Variants in PUM3 observed in about 807,000 individuals in gnomAD.
The protein encoded by PUM3 is pumilio homolog 3.
Under a neutral mutation model 84.0 loss-of-function variants are expected in PUM3, and 91 were observed. The observed-to-expected ratio is 1.08, with a 90% CI of 0.91 to 1.29. The LOEUF is 1.29. Among genes scored for constraint, PUM3 ranks in the 50% most tolerant of loss-of-function variants. The probability of loss-of-function intolerance (pLI) is 0.00; values close to 1 mark genes in which losing one functional copy is unlikely to be tolerated. For synonymous variants in PUM3, 321 were observed against 266.7 expected, an observed-to-expected ratio of 1.20 and a Z score of -1.98; for missense variants, 1,067 against 767.5, an observed-to-expected ratio of 1.39 and a Z score of -4.61.
chr9:2,810,056 G>C (rs146460365), intron 16 of PUM3, among the ~76,000 whole-genome samples: 8 of 139,226 alleles, frequency 5.7e-5, no homozygotes, highest in African/African-American at 2.1e-4. Context: ...AGCCAGGTTA[G>C]AAGCCTGCAG....
At position 2,837,498 on chromosome 9, in the gene PUM3, C is replaced by G. The variant is rs903025867; in HGVS notation, c.83-97G>C. 6.7e-6 allele frequency: 5 copies of G among 748,264 alleles called. No homozygotes were observed. The Admixed American group carries it at 8.5e-5, about 13-fold the overall frequency. 46.4% of individuals were successfully genotyped at this position (748,264 alleles called of 1,614,324 possible). ...TTACAGAAAATTATACTTTTTAATC[C>G]CAATACCATGTCTTACTCTCAAATA... On this transcript the variant is annotated intron_variant, in intron 2 of 17. Transcript: ENST00000397885.
intron 9 of PUM3, 161 bp downstream of exon 9, chr9:2,828,514 T>C (rs959209654): frequency 1.8e-6 from 1 of 570,148 alleles, no homozygotes. Flanking sequence ...AAATCTCCTT[T>C]TGCACCAAGA....
intron 1 of PUM3, among the ~76,000 whole-genome samples, chr9:2,839,732 C>T (rs758369436): frequency 2.0e-5 from 3 of 152,242 alleles, no homozygotes; most frequent in Non-Finnish European, 4.4e-5. Context: ...CACATTATTA[C>T]TTGGCTATGG....
chr9:2,835,450 AAT>A (rs1487708711), intron 3 of PUM3, among the ~76,000 whole-genome samples: 1 of 152,162 alleles, frequency 6.6e-6, no homozygotes, highest in African/African-American at 2.4e-5. Context: ...GCCTTCACTC[AAT>A]ATGATTAGAT....
At chr9:2,807,760 T>C in intron 17 of PUM3, 54 bp downstream of exon 17, 2 of 1,092,306 alleles carry the variant, frequency 1.8e-6, no homozygotes, top group East Asian at 4.7e-5. Flanking sequence ...GTGAAGGAAG[T>C]GTGTCTTTTG....
chr9:2,805,664 A>G (rs1408610148), intron 17 of PUM3, among the ~76,000 whole-genome samples: 1 of 152,222 alleles, frequency 6.6e-6, no homozygotes. Flanking sequence ...CTAAACACAC[A>G]GTTATACAAC....
chr9:2,839,465 G>T (rs1816212753), intron 1 of PUM3, among the ~76,000 whole-genome samples: 1 of 152,204 alleles, frequency 6.6e-6, no homozygotes, highest in Non-Finnish European at 1.5e-5. Flanking sequence ...TAAATGACAA[G>T]AATCAGCCCG....
intron 2 of PUM3, among the ~76,000 whole-genome samples, chr9:2,837,648 C>G (rs1019443821): frequency 3.9e-5 from 6 of 152,072 alleles, no homozygotes; most frequent in African/African-American, 1.4e-4. Flanking sequence ...ACCCATGATT[C>G]TACCACTAAA....
intron 10 of PUM3, among the ~76,000 whole-genome samples, chr9:2,825,560 G>T (rs771514228): frequency 2.0e-5 from 3 of 151,648 alleles, no homozygotes; most frequent in Non-Finnish European, 4.4e-5. Context: ...TTGGCTTACT[G>T]CAACCTCCAC....
rs377742023 is a variant in PUM3 at position 2,824,722 on chromosome 9, G to C, written c.1129C>G (p.Pro377Ala). 20 of 1,543,140 alleles carry C rather than the reference G, an allele frequency of 1.3e-5. No individual in the cohort carries two copies. The African/African-American group carries it at 2.3e-4, about 18-fold the overall frequency. ...CCAAGTGCTGTCACACTTACCTTGG[G>C]CGTGCCATGCCACAGGCAGTGCATG... ...VAMHCLWHGT[P>A]KDRKVIVKTM... The change falls in exon 11 of 18, where the codon CCC becomes GCC. Residue 377 changes from proline to alanine, a missense_variant. Physicochemically the swap from Pro to Ala is conservative, Grantham distance 27. Transcript: ENST00000397885.
At chr9:2,832,521 C>G (rs1278136995) in intron 5 of PUM3, among the ~76,000 whole-genome samples, 1 of 152,158 alleles carries the variant, frequency 6.6e-6, no homozygotes, top group African/African-American at 2.4e-5. Context: ...TAAAGGCACA[C>G]ATATTTTAAG....
In PUM3 at chr9:2,804,542, A is replaced by G. The variant is rs369088640; in HGVS notation, c.1815-79T>C. On this transcript the variant is annotated intron_variant, in intron 17 of 17. Transcript: ENST00000397885. ...ACTACCTGTACCAACAGTAAAAAAGACTTTGTTAACTGTGACACAAGCCTT... is the reference window on the plus strand; with the variant it reads ...ACTACCTGTACCAACAGTAAAAAAGGCTTTGTTAACTGTGACACAAGCCTT... The G allele has an allele frequency of 3.3e-5, 44 of 1,319,752 alleles. No individual in the cohort carries two copies. The African/African-American group carries it at 6.3e-4, about 19-fold the overall frequency. The allele number at this position is 1,319,752 out of a possible 1,614,324, so 81.8% of individuals were successfully genotyped here. A position where few individuals can be genotyped will look rare whatever the true frequency, so the allele number is the denominator to read the frequency against.
intron 13 of PUM3, among the ~76,000 whole-genome samples, chr9:2,817,383 T>C (rs1821493996): frequency 6.6e-6 from 1 of 152,104 alleles, no homozygotes; most frequent in African/African-American, 2.4e-5. Context: ...CAAAAGGGTT[T>C]TAAAAAACAA....
Position 2,838,431 on chromosome 9 carries a change from T to G in PUM3, c.77A>C (p.Asn26Thr), listed in dbSNP as rs748601867. 6.2e-7 allele frequency: 1 copy of G among 1,608,338 alleles called. No homozygotes were observed. Among genetic ancestry groups the G allele is most frequent in the South Asian group, 1.1e-5 (1 of 90,948 alleles). The change falls in exon 2 of 18, where the codon AAT becomes ACT. Residue 26 changes from asparagine to threonine, a missense_variant. Physicochemically the swap from Asn to Thr is moderately conservative, Grantham distance 65 (BLOSUM62 0). Transcript: ENST00000397885. ...TAQEKNRFHK[N>T]SDSGSSKTFP... The stretch of plus-strand genomic sequence containing the variant: ...ACATGGGAAGCATATCTTACCACTA[T>G]TTTTATGAAATCTGTTTTTTTCTTG...
chr9:2,841,649 G>T (rs1266877228), intron 1 of PUM3, among the ~76,000 whole-genome samples: 1 of 146,916 alleles, frequency 6.8e-6, no homozygotes, highest in East Asian at 2.1e-4. Flanking sequence ...CTCCTCTTAA[G>T]TTTTACTTGC....
At chr9:2,830,149 G>A (rs1031801511) in intron 7 of PUM3, among the ~76,000 whole-genome samples, 10 of 151,040 alleles carry the variant, frequency 6.6e-5, no homozygotes, top group African/African-American at 1.9e-4. Flanking sequence ...TGTTCTGCTC[G>A]AAAAAAACAG....
At chr9:2,832,674 CCTG>C (rs1407730806) in intron 5 of PUM3, among the ~76,000 whole-genome samples, 2 of 152,122 alleles carry the variant, frequency 1.3e-5, no homozygotes, top group African/African-American at 4.8e-5. Context: ...GTAAAAAGAT[CCTG>C]CTGAATTTAT....
intron 17 of PUM3, among the ~76,000 whole-genome samples, chr9:2,804,674 A>T (rs966462679): frequency 2.0e-5 from 3 of 152,204 alleles, no homozygotes; most frequent in Non-Finnish European, 1.5e-5. Context: ...TGGTGGAGTC[A>T]CCCAAGCAAA....
At chr9:2,841,551 G>C (rs148322831) in intron 1 of PUM3, among the ~76,000 whole-genome samples, 1 of 152,150 alleles carries the variant, frequency 6.6e-6, no homozygotes, top group Non-Finnish European at 1.5e-5. Flanking sequence ...CTGGGCAACA[G>C]AGTGAGACTC....
Sources: gnomAD v4.1 joint callset for allele counts (sites outside exome capture counted in the v4.1 genomes callset) on GRCh38, gnomAD v4.1.1 for gene constraint, MANE v1.5 for transcripts, NCBI Gene and HGNC (gene_info 2026-07-23, HGNC 2026-07-21) for gene names.